The following NAV3 variants were observed in gnomAD, a reference collection of about 807,000 sequenced individuals.
NAV3 encodes the protein pore membrane and/or filament interacting like protein 1.
A neutral mutation model predicts 244.7 loss-of-function variants in NAV3; 87 were observed. The observed-to-expected ratio is 0.36, with a 90% CI of 0.30 to 0.42. The LOEUF (loss-of-function observed/expected upper bound fraction) is 0.42, where lower values mean the gene tolerates loss of function less well. Among genes scored for constraint, NAV3 ranks in the 20% least tolerant of loss-of-function variants. The pLI is 1.00. For missense variants in NAV3, 2,663 were observed against 2,893.3 expected (o/e 0.92, Z 1.83); for synonymous variants, 1,126 against 1,042.2 (o/e 1.08, Z -1.55).
chr12:77,593,296 GTGTGTGTA>G (rs1869997494), intron 2 of NAV3, among the ~76,000 whole-genome samples: 1 of 151,868 alleles, frequency 6.6e-6, no homozygotes, highest in African/African-American at 2.4e-5. Context: ...GTGTGTGTGT[GTGTGTGTA>G]TTCCTTAGGG....
chr12:77,688,211 C>A (rs1454324702), intron 2 of NAV3, among the ~76,000 whole-genome samples: 2 of 151,790 alleles, frequency 1.3e-5, no homozygotes, highest in African/African-American at 4.8e-5. Context: ...TGTATCATAG[C>A]TAAAAGTTTA....
At chr12:77,879,553 T>A (rs1232236339) in intron 1 of NAV3, among the ~76,000 whole-genome samples, 1 of 151,784 alleles carries the variant, frequency 6.6e-6, no homozygotes, top group Non-Finnish European at 1.5e-5. Context: ...TGGACACCTA[T>A]AATCCCAGCT....
intron 1 of NAV3, among the ~76,000 whole-genome samples, chr12:77,877,541 G>A (rs559792973): frequency 6.6e-5 from 10 of 152,152 alleles, no homozygotes; most frequent in African/African-American, 2.4e-4. Context: ...AGCTTTGTTG[G>A]CAACACTTCT....
chr12:78,179,394 T>C (rs1276091683), intron 28 of NAV3, 135 bp from the exon 29 acceptor site: 1 of 940,900 alleles, frequency 1.1e-6, no homozygotes, highest in Non-Finnish European at 1.5e-6. Flanking sequence ...CTTCTCCTTT[T>C]CTCTAGGTTT....
chr12:78,207,532 A>G (rs1036991475), intron 39 of NAV3, among the ~76,000 whole-genome samples: 1 of 152,160 alleles, frequency 6.6e-6, no homozygotes, highest in Non-Finnish European at 1.5e-5. Flanking sequence ...TTCATTGAGG[A>G]AGCAGTTAGA....
At chr12:78,175,810 A>C (rs1958197697) in intron 25 of NAV3, among the ~76,000 whole-genome samples, 1 of 143,592 alleles carries the variant, frequency 7.0e-6, no homozygotes, top group Non-Finnish European at 1.5e-5. Flanking sequence ...AAAGAAAAAT[A>C]AGATAACATC....
chr12:77,954,012 T>C (rs1357689497), intron 3 of NAV3, among the ~76,000 whole-genome samples: 3 of 152,152 alleles, frequency 2.0e-5, no homozygotes, highest in Non-Finnish European at 2.9e-5. Flanking sequence ...TTCCAGAGGC[T>C]GTAGGGATAT....
chr12:78,097,105 G>A (rs1954292934), intron 12 of NAV3, among the ~76,000 whole-genome samples: 1 of 152,174 alleles, frequency 6.6e-6, no homozygotes, highest in African/African-American at 2.4e-5. Context: ...AGTAGCCTGA[G>A]AGCAGCTGGC....
intron 2 of NAV3, among the ~76,000 whole-genome samples, chr12:77,741,682 G>A (rs938334191): frequency 6.6e-6 from 1 of 151,988 alleles, no homozygotes; most frequent in African/African-American, 2.4e-5. Context: ...TGAATAAAAG[G>A]GTGGCGCAAT....
chr12:77,697,866 G>T (rs1442165442), intron 2 of NAV3, among the ~76,000 whole-genome samples: 1 of 152,142 alleles, frequency 6.6e-6, no homozygotes, highest in Admixed American at 6.6e-5. Flanking sequence ...CCCAGAAGAA[G>T]TGACACTTGA....
chr12:78,160,144 A>G (rs942406540), intron 23 of NAV3, among the ~76,000 whole-genome samples: 1 of 152,198 alleles, frequency 6.6e-6, no homozygotes, highest in Non-Finnish European at 1.5e-5. Context: ...TGTTATATCA[A>G]AATACTTAAA....
At chr12:77,851,883 A>G (rs1877584191) in intron 1 of NAV3, among the ~76,000 whole-genome samples, 1 of 152,208 alleles carries the variant, frequency 6.6e-6, no homozygotes, top group African/African-American at 2.4e-5. Flanking sequence ...AGATGCCGTT[A>G]GAGGTGCTTT....
At chr12:78,008,710 C>T (rs1337115022) in intron 8 of NAV3, among the ~76,000 whole-genome samples, 1 of 151,974 alleles carries the variant, frequency 6.6e-6, no homozygotes, top group African/African-American at 2.4e-5. Flanking sequence ...TTTATACACT[C>T]AGCAAAACAA....
intron 1 of NAV3, among the ~76,000 whole-genome samples, chr12:77,897,103 G>A (rs1030160327): frequency 5.3e-5 from 8 of 152,278 alleles, no homozygotes; most frequent in African/African-American, 1.9e-4. Flanking sequence ...CACATGATTT[G>A]TAGTCTCATA....
chr12:77,577,625 G>T (rs1869153595), intron 2 of NAV3, among the ~76,000 whole-genome samples: 1 of 151,988 alleles, frequency 6.6e-6, no homozygotes, highest in South Asian at 2.1e-4. Flanking sequence ...ACAGTCCCAA[G>T]ATATATAACA....
chr12:77,855,623 G>A (rs1878282747), intron 1 of NAV3, among the ~76,000 whole-genome samples: 1 of 152,216 alleles, frequency 6.6e-6, no homozygotes, highest in South Asian at 2.1e-4. Flanking sequence ...GAATGCAGTT[G>A]AAGAGACACT....
At chr12:78,064,826 T>C (rs1195425724) in intron 12 of NAV3, among the ~76,000 whole-genome samples, 1 of 152,112 alleles carries the variant, frequency 6.6e-6, no homozygotes, top group Non-Finnish European at 1.5e-5. Flanking sequence ...ATTGTATATA[T>C]GCATATTTAT....
intron 1 of NAV3, among the ~76,000 whole-genome samples, chr12:77,849,012 G>A (rs1877070945): frequency 1.3e-5 from 2 of 152,120 alleles, no homozygotes; most frequent in Non-Finnish European, 2.9e-5. Flanking sequence ...TAATAGTGAT[G>A]TTTTCTTTTA....
chr12:78,133,433 CTTG>C (rs749871446), intron 18 of NAV3, among the ~76,000 whole-genome samples: 1 of 151,242 alleles, frequency 6.6e-6, no homozygotes, highest in South Asian at 2.1e-4. Flanking sequence ...AATATGTCCT[CTTG>C]TTGTCTTTTA....
Sources: gnomAD v4.1 joint callset for allele counts (sites outside exome capture counted in the v4.1 genomes callset) on GRCh38, gnomAD v4.1.1 for gene constraint, MANE v1.5 for transcripts, NCBI Gene and HGNC (gene_info 2026-07-23, HGNC 2026-07-21) for gene names.